Variants in PRKN observed in about 807,000 individuals in gnomAD.
PRKN encodes the protein E3 ubiquitin-protein ligase parkin.
Under a neutral mutation model 59.5 loss-of-function variants are expected in PRKN, and 56 were observed. The ratio of observed to expected loss-of-function variants is 0.94; its 90% CI spans 0.76 to 1.18. The LOEUF (loss-of-function observed/expected upper bound fraction) is 1.18. Among genes scored for constraint, PRKN ranks in the 50% most tolerant of loss-of-function variants. The probability of loss-of-function intolerance (pLI) is 0.00; values close to 1 mark genes in which losing one functional copy is unlikely to be tolerated. For synonymous variants in PRKN, 250 were observed against 222.1 expected, an observed-to-expected ratio of 1.13 and a Z score of -1.12; for missense variants, 657 against 596.4, an observed-to-expected ratio of 1.10 and a Z score of -1.06.
At chr6:161,950,411 G>A (rs1386092370) in intron 6 of PRKN, among the ~76,000 whole-genome samples, 1 of 152,126 alleles carries the variant, frequency 6.6e-6, no homozygotes, top group African/African-American at 2.4e-5. Flanking sequence ...CAGGCGTGGT[G>A]GTAAGCACCT....
Position 161,359,015 on chromosome 6 carries a change from C to T in PRKN, c.1285+1073G>A, listed in dbSNP as rs1461729358. ...TTCACTGTGTTAGCCAGGATGGTCT[C>T]GACCTCCTGACCTTGTGATCCACCC... On this transcript the variant is annotated intron_variant, in intron 11 of 11. Coordinates refer to ENST00000366898, the MANE Select transcript of PRKN (RefSeq NM_004562.3). This position sits in a 1 kb window ranked among gnomAD's most constrained non-coding sequence, Gnocchi z 5.4. Among the ~76,000 whole-genome samples, 4 of 151,924 alleles carry T rather than the reference C, an allele frequency of 2.6e-5. No individual in the cohort carries two copies. The highest frequency in any genetic ancestry group is 2.1e-4 in the South Asian group (1 of 4,808).
intron 2 of PRKN, among the ~76,000 whole-genome samples, chr6:162,442,657 G>A (rs111799931): frequency 5.3e-5 from 8 of 152,284 alleles, no homozygotes; most frequent in African/African-American, 1.9e-4. Context: ...AGAGAGCATC[G>A]TTCACACTTA....
At chr6:161,398,907 C>T (rs765530876) in intron 9 of PRKN, among the ~76,000 whole-genome samples, 23 of 152,148 alleles carry the variant, frequency 1.5e-4, no homozygotes, top group Non-Finnish European at 2.8e-4. Context: ...CAGCAAAGGC[C>T]TGACCCTCAA....
chr6:161,823,720 T>C (rs892050891), intron 6 of PRKN, among the ~76,000 whole-genome samples: 1 of 152,176 alleles, frequency 6.6e-6, no homozygotes, highest in African/African-American at 2.4e-5. Flanking sequence ...AATATTTAGG[T>C]GCACACTCCC....
At chr6:162,343,707 G>A (rs1361981451) in intron 2 of PRKN, among the ~76,000 whole-genome samples, 1 of 151,548 alleles carries the variant, frequency 6.6e-6, no homozygotes, top group East Asian at 1.9e-4. Context: ...GTGTGTGTAT[G>A]TGTATGTGTG....
chr6:161,753,370 A>G (rs563730998), intron 7 of PRKN, among the ~76,000 whole-genome samples: 1 of 152,236 alleles, frequency 6.6e-6, no homozygotes, highest in East Asian at 1.9e-4. Context: ...ATTTGGCATT[A>G]AATTGTCTTA....
At chr6:161,434,611 T>A (rs778639482) in intron 9 of PRKN, among the ~76,000 whole-genome samples, 50 of 152,188 alleles carry the variant, frequency 3.3e-4, no homozygotes, top group Non-Finnish European at 6.3e-4. Flanking sequence ...ATTTTCCTAC[T>A]TGTGTAATCG....
At chr6:162,463,561 T>TAAC (rs955510377) in intron 1 of PRKN, among the ~76,000 whole-genome samples, 1 of 150,170 alleles carries the variant, frequency 6.7e-6, no homozygotes, top group Non-Finnish European at 1.5e-5. Context: ...CCTCTCCTTT[T>TAAC]AACACATCCT....
chr6:162,451,597 C>G (rs1344059828), intron 1 of PRKN, among the ~76,000 whole-genome samples: 1 of 151,454 alleles, frequency 6.6e-6, no homozygotes, highest in African/African-American at 2.4e-5. Flanking sequence ...GAGAGAGAAT[C>G]AAATAGAAAT....
intron 7 of PRKN, among the ~76,000 whole-genome samples, chr6:161,625,631 G>A (rs1398217924): frequency 6.6e-6 from 1 of 152,198 alleles, no homozygotes; most frequent in Non-Finnish European, 1.5e-5. Context: ...ACCCATCGTT[G>A]AGGGGTAAGC....
At chr6:162,092,002 C>T (rs1339218478) in intron 4 of PRKN, among the ~76,000 whole-genome samples, 2 of 149,970 alleles carry the variant, frequency 1.3e-5, no homozygotes, top group East Asian at 3.9e-4. Context: ...GGCCACTGCA[C>T]TCCAGCCTGG....
chr6:161,781,571 T>G (rs1490687405), intron 7 of PRKN, among the ~76,000 whole-genome samples: 2 of 152,230 alleles, frequency 1.3e-5, no homozygotes, highest in African/African-American at 2.4e-5. Context: ...CGCAAAATTC[T>G]TTTCAAGGAG....
intron 3 of PRKN, among the ~76,000 whole-genome samples, chr6:162,212,827 C>T (rs1013427450): frequency 6.6e-6 from 1 of 152,156 alleles, no homozygotes; most frequent in Non-Finnish European, 1.5e-5. Flanking sequence ...GTACTGAATA[C>T]TGCAGGCAGT....
At chr6:162,053,569 A>G (rs1777734813) in intron 5 of PRKN, among the ~76,000 whole-genome samples, 1 of 152,220 alleles carries the variant, frequency 6.6e-6, no homozygotes, top group Non-Finnish European at 1.5e-5. Context: ...AGGATTACAA[A>G]GAACAGAGGA....
chr6:162,010,674 C>T (rs1239519317), intron 5 of PRKN, among the ~76,000 whole-genome samples: 1 of 952 alleles, frequency 1.1e-3, no homozygotes, highest in Non-Finnish European at 1.2e-3. Context: ...ATATAATATA[C>T]TATATATTAT....
chr6:162,387,107 A>G (rs998735294), intron 2 of PRKN, among the ~76,000 whole-genome samples: 4 of 152,066 alleles, frequency 2.6e-5, no homozygotes, highest in Non-Finnish European at 5.9e-5. Flanking sequence ...ACTAGGGTGC[A>G]CACTACAAAA....
intron 3 of PRKN, among the ~76,000 whole-genome samples, chr6:162,216,553 A>AAAC (rs1554286029): frequency 2.0e-5 from 3 of 150,700 alleles, no homozygotes; most frequent in African/African-American, 7.3e-5. Context: ...AAAAAAAAAA[A>AAAC]AAAAAAAAAA....
intron 7 of PRKN, among the ~76,000 whole-genome samples, chr6:161,601,551 T>TGATG (rs1258718568): frequency 6.6e-6 from 1 of 152,124 alleles, no homozygotes; most frequent in African/African-American, 2.4e-5. Flanking sequence ...GGCTTTTCTT[T>TGATG]GATGGAAATG....
intron 4 of PRKN, among the ~76,000 whole-genome samples, chr6:162,060,585 A>G (rs1428062403): frequency 1.3e-5 from 2 of 152,236 alleles, no homozygotes; most frequent in African/African-American, 4.8e-5. Flanking sequence ...ATGTCTTTCA[A>G]TGCCCAGAAA....
Sources: gnomAD v4.1 joint callset for allele counts (sites outside exome capture counted in the v4.1 genomes callset) on GRCh38, gnomAD v4.1.1 for gene constraint, Gnocchi (gnomAD v3.1) non-coding constraint, MANE v1.5 for transcripts, NCBI Gene and HGNC (gene_info 2026-07-23, HGNC 2026-07-21) for gene names.